Variants in MOG observed in about 807,000 individuals in gnomAD.
MOG encodes myelin-oligodendrocyte glycoprotein.
In MOG, 20 loss-of-function variants were observed where a neutral mutation model predicts 35.9. That is an observed-to-expected ratio of 0.56 (90% CI 0.39 to 0.81). MOG has a LOEUF of 0.81. Ranked by LOEUF, MOG falls within the 30% of genes least tolerant of loss-of-function variation. The pLI, the probability that MOG is intolerant of heterozygous loss-of-function variation, is 0.00. For missense variants in MOG, 251 were observed against 301.0 expected (o/e 0.83, Z 1.23); for synonymous variants, 92 against 114.3 (o/e 0.80, Z 1.25).
intron 1 of MOG, among the ~76,000 whole-genome samples, chr6:29,658,628 G>A (rs78914362): frequency 0.068 from 10,304 of 152,272 alleles, 502 homozygotes; most frequent in African/African-American, 0.14. Flanking sequence ...GAGGCCCATA[G>A]GAGGATTCAA....
chr6:29,659,254 A>T, intron 1 of MOG, 65 bp from the exon 2 acceptor site: 1 of 1,507,644 alleles, frequency 6.6e-7, no homozygotes, highest in Non-Finnish European at 9.2e-7. Context: ...AGCCCTTCTC[A>T]TGACAGGCTT....
intron 4 of MOG, 89 bp from the exon 5 acceptor site, chr6:29,667,815 A>G (rs940330311): frequency 1.2e-5 from 19 of 1,564,172 alleles, no homozygotes; most frequent in African/African-American, 4.1e-5. Context: ...GCCTAGAACA[A>G]GTTTTAAGTA....
chr6:29,663,823 C>T (rs1294224942), intron 2 of MOG: 2 of 335,614 alleles, frequency 6.0e-6, no homozygotes, highest in Non-Finnish European at 8.4e-6. Context: ...AAGGTAGCTG[C>T]ATTTTCCCCT....
At chr6:29,664,685 GC>G (rs1476967719) in intron 2 of MOG, 1 of 447,858 alleles carries the variant, frequency 2.2e-6, no homozygotes, top group East Asian at 7.3e-5. Context: ...GCTCATTGCA[GC>G]CTCCACCTCC....
At chr6:29,663,037 A>G (rs1469379719) in intron 2 of MOG, among the ~76,000 whole-genome samples, 1 of 152,206 alleles carries the variant, frequency 6.6e-6, no homozygotes, top group Non-Finnish European at 1.5e-5. Context: ...TGGGAGCCCA[A>G]GGAGGGCGAA....
intron 5 of MOG, among the ~76,000 whole-genome samples, chr6:29,669,321 A>T (rs1770936599): frequency 6.7e-6 from 1 of 149,268 alleles, no homozygotes. Flanking sequence ...TTTTTTTGAG[A>T]TGAAGTTTTT....
intron 2 of MOG, among the ~76,000 whole-genome samples, chr6:29,665,736 TG>T (rs1161558098): frequency 6.6e-6 from 1 of 150,472 alleles, no homozygotes; most frequent in African/African-American, 2.5e-5. Flanking sequence ...ACTACATATT[TG>T]AAATACATAT....
Position 29,667,921 on chromosome 6 carries a change from T to C in MOG, c.589T>C (p.Phe197Leu). 4 of 1,613,248 alleles carry C rather than the reference T, an allele frequency of 2.5e-6. No homozygotes were observed. Among genetic ancestry groups the C allele is most frequent in the Non-Finnish European group, 3.4e-6 (4 of 1,180,014 alleles). Residue 197 changes from phenylalanine to leucine, a missense_variant, in exon 5 of 8, where the codon TTT becomes CTT. By Grantham distance (22) the Phe-to-Leu change is conservative. Coordinates refer to ENST00000376917, the MANE Select transcript of MOG (RefSeq NM_206809.4). The part of the protein sequence containing the change: ...RAEIENLHRT[F>L]DPHFLRVPCW... ...TCTTTCAGAGAATCTCCACCGGACTTTTGGTAAGTTCCGGCATGTCTAGGC... is the reference window on the plus strand; with the variant it reads ...TCTTTCAGAGAATCTCCACCGGACTCTTGGTAAGTTCCGGCATGTCTAGGC...
Position 29,659,677 on chromosome 6 carries a change from C to A in MOG, c.436+11C>A, listed in dbSNP as rs552750759. On this transcript the variant is annotated intron_variant, in intron 2 of 7. Transcript: ENST00000376917. Reference sequence around the variant, plus strand: ...AATTGAAAGTAGAAGGTGAGTAGTGCCATATAATATTAGGTATTAACTGTT... The same window carrying A: ...AATTGAAAGTAGAAGGTGAGTAGTGACATATAATATTAGGTATTAACTGTT... The A allele has an allele frequency of 3.1e-6, 5 of 1,603,806 alleles. No homozygotes were observed. The highest frequency in any genetic ancestry group is 4.3e-6 in the Non-Finnish European group (5 of 1,172,126).
In MOG at chr6:29,667,813, C is replaced by T. The variant is rs879117292; in HGVS notation, c.572-91C>T. ...TACAGTGGGTGTGTCGTGCCTAGAA[C>T]AAGTTTTAAGTAATTAAATAACAAA... On this transcript the variant is annotated intron_variant, in intron 4 of 7. Coordinates refer to ENST00000376917, the MANE Select transcript of MOG (RefSeq NM_206809.4). The T allele has an allele frequency of 4.7e-5, 73 of 1,563,294 alleles. No individual in the cohort carries two copies. The South Asian group carries it at 7.3e-4, about 16-fold the overall frequency.
chr6:29,659,278 C>T (rs755332797), intron 1 of MOG, 41 bp from the exon 2 acceptor site: 1 of 1,600,748 alleles, frequency 6.2e-7, no homozygotes. Context: ...TGCCAAGGTT[C>T]CCTCTGACCT....
intron 3 of MOG, 73 bp from the exon 4 acceptor site, chr6:29,667,570 C>A: frequency 6.6e-7 from 1 of 1,515,560 alleles, no homozygotes; most frequent in Non-Finnish European, 9.2e-7. Flanking sequence ...GGGGCCCAGG[C>A]GCTGGGTGTG....
intron 5 of MOG, among the ~76,000 whole-genome samples, chr6:29,668,925 G>A (rs1338278673): frequency 6.7e-6 from 1 of 149,522 alleles, no homozygotes; most frequent in East Asian, 1.9e-4. Context: ...TAACATAAAT[G>A]TTTCTTTTTT....
At position 29,670,099 on chromosome 6, in the gene MOG, A is replaced by T; in HGVS notation, c.593-182A>T. The T allele has an allele frequency of 9.7e-7, 1 of 1,035,846 alleles. No individual in the cohort carries two copies. Among genetic ancestry groups the T allele is most frequent in the Non-Finnish European group, 1.5e-6 (1 of 662,384 alleles). The allele number at this position is 1,035,846 out of a possible 1,614,324, so 64.2% of individuals were successfully genotyped here. On this transcript the variant is annotated intron_variant, in intron 5 of 7. Transcript: ENST00000376917. The surrounding 1 kb of genome is among the most constrained non-coding windows in gnomAD (Gnocchi z 4.2). ...TACATTTTTAATGAAAGAAAATGTTAAATCCAGTTATTGAAAATAAGGAGG... is the reference window on the plus strand; with the variant it reads ...TACATTTTTAATGAAAGAAAATGTTTAATCCAGTTATTGAAAATAAGGAGG...
At chr6:29,663,443 C>A (rs1040603979) in intron 2 of MOG, among the ~76,000 whole-genome samples, 23 of 152,106 alleles carry the variant, frequency 1.5e-4, no homozygotes, top group African/African-American at 5.3e-4. Context: ...CAGTTGGTTT[C>A]TTTTAGCGAG....
At chr6:29,669,045 T>C (rs2535245) in intron 5 of MOG, among the ~76,000 whole-genome samples, 29,232 of 151,160 alleles carry the variant, frequency 0.19, 3,118 homozygotes, top group Admixed American at 0.28. Context: ...CTCAGCCTCC[T>C]GAGTAGCTGG....
intron 2 of MOG, among the ~76,000 whole-genome samples, chr6:29,665,790 A>C (rs1439224901): frequency 6.6e-6 from 1 of 151,874 alleles, no homozygotes; most frequent in Non-Finnish European, 1.5e-5. Context: ...TGTTTATTTT[A>C]ATTATGCTTG....
At chr6:29,661,594 G>A (rs1768753331) in intron 2 of MOG, 4 of 959,404 alleles carry the variant, frequency 4.2e-6, no homozygotes, top group Middle Eastern at 5.3e-4. Context: ...GCCGAGGCGG[G>A]TGGATCACCT....
Position 29,670,262 on chromosome 6 carries a change from G to C in MOG, c.593-19G>C, listed in dbSNP as rs369779999. 226 of 1,614,064 alleles carry C rather than the reference G, an allele frequency of 1.4e-4. No individual in the cohort carries two copies. Among genetic ancestry groups the C allele is most frequent in the Non-Finnish European group, 1.9e-4 (219 of 1,180,040 alleles). ...GGGGGAACACATGTTAACCCTGTTT[G>C]TTCTGGTGAACAATTCAGATCCCCA... On this transcript the variant is annotated intron_variant, in intron 5 of 7. Coordinates refer to ENST00000376917, the MANE Select transcript of MOG (RefSeq NM_206809.4). The surrounding 1 kb of genome is among the most constrained non-coding windows in gnomAD (Gnocchi z 4.2).
Sources: allele counts gnomAD v4.1 joint callset (sites outside exome capture counted in the v4.1 genomes callset), GRCh38; gene constraint gnomAD v4.1.1; non-coding constraint Gnocchi (gnomAD v3.1); transcripts MANE v1.5; gene names NCBI Gene and HGNC (gene_info 2026-07-23, HGNC 2026-07-21).